HNRNPLL: variants seen among roughly 807,000 people sequenced by gnomAD.
HNRNPLL encodes the protein heterogeneous nuclear ribonucleoprotein L like.
Under a neutral mutation model 67.1 loss-of-function variants are expected in HNRNPLL, and 25 were observed. The observed-to-expected ratio is 0.37, with a 90% CI of 0.27 to 0.52. The LOEUF (loss-of-function observed/expected upper bound fraction) is 0.52. Among genes scored for constraint, HNRNPLL ranks in the 20% least tolerant of loss-of-function variants. The pLI is 0.90. For synonymous variants in HNRNPLL, 267 were observed against 241.7 expected (o/e 1.10, Z -0.97); for missense variants, 542 against 673.9 (o/e 0.80, Z 2.17).
At position 38,562,233 on chromosome 2, in the gene HNRNPLL, C is replaced by G. The variant is rs1005898880; in HGVS notation, c.*1949G>C. 6.6e-6 allele frequency: 1 copy of G among 152,138 alleles called. No homozygotes were observed. Among genetic ancestry groups the G allele is most frequent in the Non-Finnish European group, 1.5e-5 (1 of 67,988 alleles). The allele number at this position is 152,138 out of a possible 1,614,324, so 9.4% of individuals were successfully genotyped here. On this transcript the variant is annotated 3_prime_UTR_variant, in exon 13 of 13. Coordinates refer to ENST00000449105, the MANE Select transcript of HNRNPLL (RefSeq NM_138394.4). ...AAACTATCAAAAACATTAGTGACAG[C>G]AGCAGTATAGGGCTTACACACCAGT...
At chr2:38,602,373 G>T in intron 1 of HNRNPLL, 65 bp downstream of exon 1, 1 of 1,470,184 alleles carries the variant, frequency 6.8e-7, no homozygotes, top group Non-Finnish European at 9.2e-7. Context: ...GGGAGGCCCC[G>T]CACCGAGGCC....
rs74484708 is a variant in HNRNPLL at position 38,597,233 on chromosome 2, A to G, written c.189+5205T>C. Reference sequence around the variant, plus strand: ...CTCTTACATAATCTTTCAATTACCGATATTTGTAATGATTTATTAAGTCAC... The same window carrying G: ...CTCTTACATAATCTTTCAATTACCGGTATTTGTAATGATTTATTAAGTCAC... On this transcript the variant is annotated intron_variant, in intron 1 of 12. Coordinates refer to ENST00000449105, the MANE Select transcript of HNRNPLL (RefSeq NM_138394.4). Among the ~76,000 whole-genome samples, 1,149 of 152,296 alleles carry G rather than the reference A, an allele frequency of 7.5e-3. 16 individuals are homozygous for G. The highest frequency in any genetic ancestry group is 0.026 in the African/African-American group (1,089 of 41,554).
chr2:38,591,063 A>C (rs1376859935), intron 2 of HNRNPLL, among the ~76,000 whole-genome samples: 2 of 152,222 alleles, frequency 1.3e-5, no homozygotes, highest in Non-Finnish European at 2.9e-5. Flanking sequence ...AGCAATATGC[A>C]CCTAAACAAA....
chr2:38,594,191 C>T (rs1247677895), intron 1 of HNRNPLL, among the ~76,000 whole-genome samples: 4 of 151,820 alleles, frequency 2.6e-5, no homozygotes, highest in Non-Finnish European at 5.9e-5. Context: ...AAACCAAAAA[C>T]CAAAAAACAA....
chr2:38,564,130 G>C lies in HNRNPLL; in HGVS notation c.*52C>G, dbSNP rs1304364064. The C allele has an allele frequency of 9.3e-7, 1 of 1,079,052 alleles. No homozygotes were observed. The highest frequency in any genetic ancestry group is 1.4e-6 in the Non-Finnish European group (1 of 699,654). The allele number at this position is 1,079,052 out of a possible 1,614,324, so 66.8% of individuals were successfully genotyped here. ...TTAGATTTTTTTTTAATGAAGTGTA[G>C]CTTTGAAATTGTAATAAAGGTGAAC... On this transcript the variant is annotated 3_prime_UTR_variant, in exon 13 of 13. Coordinates refer to ENST00000449105, the MANE Select transcript of HNRNPLL (RefSeq NM_138394.4).
intron 1 of HNRNPLL, among the ~76,000 whole-genome samples, chr2:38,600,222 A>G (rs1299332054): frequency 6.6e-6 from 1 of 152,240 alleles, no homozygotes; most frequent in Admixed American, 6.5e-5. Context: ...CTTTCCTAGG[A>G]AACATATCAG....
Position 38,602,913 on chromosome 2 carries a change from G to T in HNRNPLL, c.-287C>A, listed in dbSNP as rs745941491. ...CTCCGTCTCCGCTCCCTGCCCGGAG[G>T]AGCGAATCTAAGGATGGGGACGCAA... On this transcript the variant is annotated 5_prime_UTR_variant, in exon 1 of 13. Transcript: ENST00000449105. 35 of 1,531,804 alleles carry T rather than the reference G, an allele frequency of 2.3e-5. No homozygotes were observed. The highest frequency in any genetic ancestry group is 2.9e-5 in the Non-Finnish European group (33 of 1,131,182). The allele number at this position is 1,531,804 out of a possible 1,614,324, so 94.9% of individuals were successfully genotyped here. A position where few individuals can be genotyped will look rare whatever the true frequency, so the allele number is the denominator to read the frequency against.
chr2:38,586,707 T>C lies in HNRNPLL; in HGVS notation c.309-826A>G, dbSNP rs1370388944. Among the ~76,000 whole-genome samples the C allele has an allele frequency of 2.0e-5, 3 of 152,144 alleles. No individual in the cohort carries two copies. The East Asian group carries it at 5.8e-4, about 29-fold the overall frequency. On this transcript the variant is annotated intron_variant, in intron 2 of 12. Transcript: ENST00000449105. ...TCCAAAGTTCATATAAATAATCTCCTCCAAAACATTTTAATACTAACCATC... is the reference window on the plus strand; with the variant it reads ...TCCAAAGTTCATATAAATAATCTCCCCCAAAACATTTTAATACTAACCATC...
intron 1 of HNRNPLL, among the ~76,000 whole-genome samples, chr2:38,600,947 T>A (rs1170959452): frequency 6.6e-6 from 1 of 152,186 alleles, no homozygotes; most frequent in Non-Finnish European, 1.5e-5. Context: ...CTGATTTAAG[T>A]ATCTTTCCAA....
chr2:38,577,412 A>C, intron 7 of HNRNPLL, 49 bp downstream of exon 7: 1 of 1,115,424 alleles, frequency 9.0e-7, no homozygotes, highest in Non-Finnish European at 1.4e-6. Context: ...GAAATGCAGC[A>C]AGTCAAACAG....
chr2:38,590,847 T>A (rs971902796), intron 2 of HNRNPLL, among the ~76,000 whole-genome samples: 3 of 151,960 alleles, frequency 2.0e-5, no homozygotes, highest in Non-Finnish European at 4.4e-5. Context: ...TACAAAAAAT[T>A]TTTTTAAATT....
At position 38,602,543 on chromosome 2, in the gene HNRNPLL, C is replaced by A; in HGVS notation, c.84G>T (p.Glu28Asp). ...YESQAKRLKT[E>D]EGEIDYSAEE... is the part of the protein sequence containing the mutation. ...CGGCCGAGTAGTCGATCTCCCCCTC[C>A]TCGGTCTTGAGACGCTTGGCCTGGC... The change falls in exon 1 of 13, where the codon GAG (glutamate) becomes GAT (aspartate). Residue 28 changes from glutamate to aspartate, a missense_variant. By Grantham distance (45) the Glu-to-Asp change is conservative. This residue lies in a region of HNRNPLL where 127 missense variants were observed against 98.7 expected (regional missense o/e 1.29). Coordinates refer to ENST00000449105, the MANE Select transcript of HNRNPLL (RefSeq NM_138394.4). 1 of 1,562,056 alleles carries A rather than the reference C, an allele frequency of 6.4e-7. No individual in the cohort carries two copies.
chr2:38,583,803 G>T, intron 4 of HNRNPLL, 38 bp downstream of exon 4: 2 of 957,432 alleles, frequency 2.1e-6, no homozygotes, highest in South Asian at 1.5e-5. Flanking sequence ...AGATCCGTAT[G>T]AATTACACAT....
chr2:38,575,824 A>C (rs1209317980), intron 7 of HNRNPLL, among the ~76,000 whole-genome samples: 1 of 151,792 alleles, frequency 6.6e-6, no homozygotes, highest in Non-Finnish European at 1.5e-5. Flanking sequence ...TCACTAGCAC[A>C]CATCCCCCAT....
At chr2:38,597,851 C>A (rs1402641414) in intron 1 of HNRNPLL, among the ~76,000 whole-genome samples, 1 of 152,070 alleles carries the variant, frequency 6.6e-6, no homozygotes, top group Admixed American at 6.5e-5. Context: ...CCACACCCGG[C>A]TAATTTTTTG....
chr2:38,601,041 A>G (rs879722229), intron 1 of HNRNPLL, among the ~76,000 whole-genome samples: 2 of 152,256 alleles, frequency 1.3e-5, no homozygotes, highest in Non-Finnish European at 2.9e-5. Context: ...ATACATCGAA[A>G]TATCAGTTAT....
intron 2 of HNRNPLL, among the ~76,000 whole-genome samples, chr2:38,586,649 T>C (rs892862542): frequency 2.0e-5 from 3 of 152,108 alleles, no homozygotes; most frequent in African/African-American, 4.8e-5. Flanking sequence ...CAGAGATAAA[T>C]ATAAATGGAA....
intron 12 of HNRNPLL, chr2:38,566,338 A>T (rs1246958412): frequency 6.8e-6 from 1 of 146,282 alleles, no homozygotes; most frequent in African/African-American, 2.6e-5. Flanking sequence ...ACTACTCTAC[A>T]GTCTGGGGGA....
At chr2:38,592,565 C>A (rs564604579) in intron 1 of HNRNPLL, among the ~76,000 whole-genome samples, 46 of 152,298 alleles carry the variant, frequency 3.0e-4, no homozygotes, top group African/African-American at 1.1e-3. Context: ...CCCTCCTGGG[C>A]ATCTACGGAA....
Sources: allele counts gnomAD v4.1 joint callset (sites outside exome capture counted in the v4.1 genomes callset), GRCh38; gene constraint gnomAD v4.1.1; regional missense constraint gnomAD v4.1.1; transcripts MANE v1.5; gene names NCBI Gene and HGNC (gene_info 2026-07-23, HGNC 2026-07-21).